Variants in CEP112 observed in about 807,000 individuals in gnomAD.
CEP112 encodes centrosomal protein of 112 kDa.
CEP112 carries 127 observed loss-of-function variants against 153.0 expected under a neutral mutation model. The observed-to-expected ratio is 0.83, with a 90% confidence interval of 0.72 to 0.96. The LOEUF is 0.96. Among genes scored for constraint, CEP112 ranks in the 40% least tolerant of loss-of-function variants. The probability of loss-of-function intolerance (pLI) is 0.00; values close to 1 mark genes in which losing one functional copy is unlikely to be tolerated. For missense variants in CEP112, 1,089 were observed against 1,101.2 expected, an observed-to-expected ratio of 0.99 and a Z score of 0.16; for synonymous variants, 358 against 374.4, an observed-to-expected ratio of 0.96 and a Z score of 0.51.
chr17:66,001,867 T>C (rs2064069082), intron 17 of CEP112, among the ~76,000 whole-genome samples: 1 of 152,146 alleles, frequency 6.6e-6, no homozygotes, highest in South Asian at 2.1e-4. Context: ...ATTACTTATC[T>C]TTGAAAAATG....
At chr17:66,064,328 G>A (rs944867574) in intron 10 of CEP112, among the ~76,000 whole-genome samples, 1 of 152,050 alleles carries the variant, frequency 6.6e-6, no homozygotes, top group Non-Finnish European at 1.5e-5. Context: ...TGAAGTTTAT[G>A]TTACTAAAAT....
chr17:65,697,358 C>T (rs1399702904), intron 23 of CEP112, among the ~76,000 whole-genome samples: 1 of 152,104 alleles, frequency 6.6e-6, no homozygotes, highest in Non-Finnish European at 1.5e-5. Context: ...CAGCATTACT[C>T]CAATTCAGTC....
chr17:65,851,542 C>A (rs558670058), intron 21 of CEP112, among the ~76,000 whole-genome samples: 1 of 152,194 alleles, frequency 6.6e-6, no homozygotes, highest in East Asian at 1.9e-4. Flanking sequence ...TTTATTACAA[C>A]GTGTATTTAA....
At chr17:65,916,645 CA>C (rs1471642633) in intron 19 of CEP112, among the ~76,000 whole-genome samples, 1 of 151,572 alleles carries the variant, frequency 6.6e-6, no homozygotes, top group Non-Finnish European at 1.5e-5. Context: ...CTCCCAGGCT[CA>C]AACAACCCTC....
intron 26 of CEP112, 120 bp downstream of exon 26, chr17:65,637,004 C>A (rs2044807441): frequency 3.9e-6 from 3 of 764,194 alleles, no homozygotes; most frequent in Non-Finnish European, 6.6e-6. Context: ...AAAAACAAGT[C>A]TTTTTCAAAA....
chr17:65,639,600 G>A (rs986303460), intron 25 of CEP112, among the ~76,000 whole-genome samples: 6 of 150,486 alleles, frequency 4.0e-5, no homozygotes, highest in African/African-American at 9.8e-5. Flanking sequence ...CAGGAGAATC[G>A]CTTGAACCTG....
rs189437911 is a variant in CEP112, at chr17:65,685,487, G to A, written c.2697+3642C>T. 3.5e-3 allele frequency among the ~76,000 whole-genome samples: 539 copies of A among 152,098 alleles called. 7 individuals carry two copies. Among genetic ancestry groups the A allele is most frequent in the African/African-American group, 0.012 (515 of 41,500 alleles). ...AAAAGAAAGAGAAGATAGTCCTCAG[G>A]GGCTGTTTCAAACACATTTTAGTTG... On this transcript the variant is annotated intron_variant, in intron 24 of 26. Transcript: ENST00000535342.
chr17:66,077,256 G>C (rs2067537225), intron 8 of CEP112, among the ~76,000 whole-genome samples: 1 of 152,018 alleles, frequency 6.6e-6, no homozygotes, highest in African/African-American at 2.4e-5. Context: ...AGCCAATCAG[G>C]GAGGCATCAG....
chr17:65,685,007 C>T (rs1441210474), intron 24 of CEP112, among the ~76,000 whole-genome samples: 2 of 152,158 alleles, frequency 1.3e-5, no homozygotes, highest in South Asian at 4.1e-4. Context: ...GAAAACATCA[C>T]GTTTTTGTAA....
rs532482733 is a variant in CEP112 at position 65,822,986 on chromosome 17, A to G, written c.2394+28818T>C. ...GAATTGAAGATAAAATCATGATTCAATATCATCTAACAAAATATGTGCAAC... is the reference window on the plus strand; with the variant it reads ...GAATTGAAGATAAAATCATGATTCAGTATCATCTAACAAAATATGTGCAAC... On this transcript the variant is annotated intron_variant, in intron 21 of 26. Transcript: ENST00000535342. 5.3e-5 allele frequency among the ~76,000 whole-genome samples: 8 copies of G among 152,270 alleles called. No homozygotes were observed. The East Asian group carries it at 1.3e-3, about 26-fold the overall frequency.
chr17:65,817,893 T>C (rs962074855), intron 21 of CEP112, among the ~76,000 whole-genome samples: 1 of 151,964 alleles, frequency 6.6e-6, no homozygotes, highest in Non-Finnish European at 1.5e-5. Context: ...TTTTACTTAA[T>C]TTGAGCTACT....
intron 20 of CEP112, among the ~76,000 whole-genome samples, chr17:65,871,128 T>C (rs1307812189): frequency 2.0e-5 from 3 of 152,194 alleles, no homozygotes; most frequent in Non-Finnish European, 4.4e-5. Context: ...GTTGCTTAAA[T>C]ATAAGAAATT....
At chr17:66,001,302 TTTC>T (rs1344678014) in intron 17 of CEP112, among the ~76,000 whole-genome samples, 10 of 152,224 alleles carry the variant, frequency 6.6e-5, no homozygotes, top group African/African-American at 2.4e-4. Flanking sequence ...TTTAATGGGT[TTTC>T]TTAATTGTAA....
At chr17:65,984,800 T>C (rs1190742772) in intron 17 of CEP112, among the ~76,000 whole-genome samples, 1 of 152,184 alleles carries the variant, frequency 6.6e-6, no homozygotes, top group East Asian at 1.9e-4. Context: ...AGAATGATAG[T>C]TACTGAAGCT....
rs148295418 is a variant in CEP112, at chr17:66,106,559, C to T, written c.643-9927G>A. Among the ~76,000 whole-genome samples, 196 of 152,036 alleles carry T rather than the reference C, an allele frequency of 1.3e-3. 2 individuals are homozygous for T. Among genetic ancestry groups the T allele is most frequent in the East Asian group, 9.5e-3 (49 of 5,178 alleles). On this transcript the variant is annotated intron_variant, in intron 6 of 26. Transcript: ENST00000535342. ...AAAACTGAAAAGAAATGTATAAATT[C>T]CTAGACACATACAACCTACCAAGAG... is the stretch of plus-strand genomic sequence containing the variant.
chr17:65,798,256 C>T (rs531878035), intron 21 of CEP112, among the ~76,000 whole-genome samples: 71 of 152,118 alleles, frequency 4.7e-4, no homozygotes, highest in Non-Finnish European at 9.1e-4. Context: ...AAAAAAAACA[C>T]ATTATATATT....
In CEP112 at chr17:65,970,713, A is replaced by G. The variant is rs1050363176; in HGVS notation, c.1737-9115T>C. Among the ~76,000 whole-genome samples, 6 of 152,054 alleles carry G rather than the reference A, an allele frequency of 3.9e-5. No homozygotes were observed. The South Asian group carries it at 8.3e-4, about 21-fold the overall frequency. On this transcript the variant is annotated intron_variant, in intron 17 of 26. Transcript: ENST00000535342. The stretch of plus-strand genomic sequence containing the variant: ...CATGCATATTACATGCATACACATG[A>G]CATGTGCCTTTATCACATGCATGTG...
intron 19 of CEP112, among the ~76,000 whole-genome samples, chr17:65,917,455 C>A (rs1437270053): frequency 6.9e-6 from 1 of 145,266 alleles, no homozygotes; most frequent in East Asian, 2.0e-4. Flanking sequence ...AATCCATGGT[C>A]ATTTACCACA....
At chr17:65,883,114 T>C (rs539918205) in intron 20 of CEP112, among the ~76,000 whole-genome samples, 1 of 152,048 alleles carries the variant, frequency 6.6e-6, no homozygotes, top group African/African-American at 2.4e-5. Flanking sequence ...AACAAACAAA[T>C]AGAATAATAA....
Sources: allele counts gnomAD v4.1 joint callset (sites outside exome capture counted in the v4.1 genomes callset), GRCh38; gene constraint gnomAD v4.1.1; transcripts MANE v1.5; gene names NCBI Gene and HGNC (gene_info 2026-07-23, HGNC 2026-07-21).